The following MYH1 variants were observed in gnomAD, a reference collection of about 807,000 sequenced individuals.
MYH1 encodes the protein myosin-1.
In MYH1, 214 loss-of-function variants were observed where a neutral mutation model predicts 225.6. That is an observed-to-expected ratio of 0.95 (90% CI 0.85 to 1.06). MYH1 has a LOEUF of 1.06. MYH1 is among the 50% of genes least tolerant of loss of function. MYH1 has a pLI of 0.00. For synonymous variants in MYH1, 774 were observed against 842.3 expected, an observed-to-expected ratio of 0.92 and a Z score of 1.40; for missense variants, 2,098 against 2,344.2, an observed-to-expected ratio of 0.89 and a Z score of 2.17.
chr17:10,515,015 A>G, intron 5 of MYH1, 120 bp from the exon 6 acceptor site: 1 of 874,926 alleles, frequency 1.1e-6, no homozygotes, highest in South Asian at 1.5e-5. Context: ...TCAATATATT[A>G]TGGTAAAGTT....
chr17:10,508,705 A>C, intron 15 of MYH1, 33 bp from the exon 16 acceptor site: 1 of 1,605,120 alleles, frequency 6.2e-7, no homozygotes, highest in Non-Finnish European at 8.5e-7. Context: ...ATGCCACTTG[A>C]ATTCTGTCTG....
rs777786282 is a variant in MYH1 at position 10,501,233 on chromosome 17, G to A, written c.3615C>T (p.Ala1205=). The change falls in exon 27 of 40, where the codon GCC becomes GCT. Residue 1205 remains alanine (A), a synonymous_variant. Coordinates refer to ENST00000226207, the MANE Select transcript of MYH1 (RefSeq NM_005963.4). ...GGTTGTCAATCTGCTCCCCAAGCTC[G>A]GCCACACTATCTGCATGCTTCTTCC... The part of the protein sequence containing the change: ...TLRKKHADSV[A]ELGEQIDNLQ... 12 of 1,613,972 alleles carry A rather than the reference G, an allele frequency of 7.4e-6. No homozygotes were observed. Among genetic ancestry groups the A allele is most frequent in the Admixed American group, 3.3e-5 (2 of 60,000 alleles).
chr17:10,494,108 CT>C (rs1567713880), intron 39 of MYH1, among the ~76,000 whole-genome samples: 1 of 152,188 alleles, frequency 6.6e-6, no homozygotes, highest in Admixed American at 6.5e-5. Flanking sequence ...TGCTTTCCTC[CT>C]TTTTTTGTCT....
chr17:10,511,066 T>C (rs973523695), intron 14 of MYH1, among the ~76,000 whole-genome samples: 1 of 152,012 alleles, frequency 6.6e-6, no homozygotes, highest in African/African-American at 2.4e-5. Context: ...TATTCCTTTC[T>C]TTCCACGTTG....
chr17:10,500,646 G>T lies in MYH1; in HGVS notation c.3845C>A (p.Ala1282Glu), dbSNP rs746118240. The change falls in exon 28 of 40, where the codon GCG (alanine) becomes GAG (glutamate). Residue 1282 changes from alanine to glutamate, a missense_variant. Transcript: ENST00000226207. ...CCCACCTGATTCTGTTTGCAGGCGC[G>T]CTCTCTGTGCTGTGAGGTCATTGAT... ...RLINDLTAQR[A>E]RLQTESGEYS... 55 of 1,613,506 alleles carry T rather than the reference G, an allele frequency of 3.4e-5. No homozygotes were observed. The African/African-American group carries it at 6.8e-4, about 20-fold the overall frequency.
In MYH1 at chr17:10,500,807, G is replaced by C. The variant is rs1471535999; in HGVS notation, c.3739-55C>G. 1.9e-6 allele frequency: 3 copies of C among 1,610,032 alleles called. No homozygotes were observed. The East Asian group carries it at 6.7e-5, about 36-fold the overall frequency. On this transcript the variant is annotated intron_variant, in intron 27 of 39. Coordinates refer to ENST00000226207, the MANE Select transcript of MYH1 (RefSeq NM_005963.4). ...CAAGTAAGTAGTTGGACCAAAGAAAGTTTCAGTAATCTAAACATTCCATAT... is the reference window on the plus strand; with the variant it reads ...CAAGTAAGTAGTTGGACCAAAGAAACTTTCAGTAATCTAAACATTCCATAT...
Position 10,512,474 on chromosome 17 carries a change from G to A in MYH1, c.1081C>T (p.His361Tyr), listed in dbSNP as rs1288436285. The change falls in exon 12 of 40, where the codon CAT becomes TAT. Residue 361 changes from histidine to tyrosine, a missense_variant. His to Tyr is a moderately conservative substitution (Grantham distance 83, BLOSUM62 2). Transcript: ENST00000226207. ...SIYKLTGAVM[H>Y]YGNMKFKQKQ... ...TGCTTGAATTTCATGTTCCCATAAT[G>A]CATCACAGCCCCTGTGAGCTTATAG... 1.7e-5 allele frequency: 27 copies of A among 1,613,938 alleles called. No individual in the cohort carries two copies. Among genetic ancestry groups the A allele is most frequent in the Non-Finnish European group, 2.3e-5 (27 of 1,179,996 alleles).
Position 10,497,737 on chromosome 17 carries a change from A to G in MYH1, c.4362T>C (p.Asp1454=), listed in dbSNP as rs765754672. ...AALDKKQRNF[D]KILAEWKQKC... ...AAGCAAAAACTGGAGAGAATACCTTATCAAAGTTCCTTTGCTTTTTGTCCA... is the reference window on the plus strand; with the variant it reads ...AAGCAAAAACTGGAGAGAATACCTTGTCAAAGTTCCTTTGCTTTTTGTCCA... Residue 1454 remains aspartate (D), a synonymous_variant, in exon 31 of 40, where the codon GAT becomes GAC. Transcript: ENST00000226207. The G allele has an allele frequency of 4.3e-6, 7 of 1,613,620 alleles. No homozygotes were observed. The East Asian group carries it at 1.1e-4, about 26-fold the overall frequency.
chr17:10,496,645 A>G (rs1335286957), intron 33 of MYH1, 96 bp from the exon 34 acceptor site: 2 of 1,560,172 alleles, frequency 1.3e-6, no homozygotes, highest in Non-Finnish European at 1.7e-6. Context: ...CTTATTTATA[A>G]ATAGATTTCT....
chr17:10,495,654 C>A (rs1057339412), intron 35 of MYH1, among the ~76,000 whole-genome samples: 2 of 149,660 alleles, frequency 1.3e-5, no homozygotes, highest in African/African-American at 4.9e-5. Flanking sequence ...CCAGGTACTC[C>A]GGAGGCTGAG....
At chr17:10,494,819 G>T (rs1398871220) in intron 37 of MYH1, 112 bp downstream of exon 37, 9 of 1,597,172 alleles carry the variant, frequency 5.6e-6, no homozygotes, top group Non-Finnish European at 6.8e-6. Flanking sequence ...GGGCATGAGG[G>T]AATAGCTCTC....
rs1567716195 is a variant in MYH1 at position 10,498,721 on chromosome 17, C to T, written c.4086G>A (p.Gln1362=). ...EEEQEAKAEL[Q]RAMSKANSEV... ...CACTGTTGGCCTTGGACATTGCTCT[C>T]TGTAGCTCGGCCTTGGCTTCCTGCT... Residue 1362 remains glutamine, a synonymous_variant, in exon 30 of 40, where the codon CAG becomes CAA. Coordinates refer to ENST00000226207, the MANE Select transcript of MYH1 (RefSeq NM_005963.4). 1 of 1,614,108 alleles carries T rather than the reference C, an allele frequency of 6.2e-7. No homozygotes were observed. Among genetic ancestry groups the T allele is most frequent in the Non-Finnish European group, 8.5e-7 (1 of 1,179,950 alleles).
intron 17 of MYH1, among the ~76,000 whole-genome samples, chr17:10,506,588 G>A (rs2073114763): frequency 6.6e-6 from 1 of 151,866 alleles, no homozygotes; most frequent in Admixed American, 6.6e-5. Context: ...TGCCTCCCGG[G>A]TTCAAACAAT....
chr17:10,509,355 C>A lies in MYH1; in HGVS notation c.1587+130G>T, dbSNP rs1383602862. 8.3e-6 allele frequency: 12 copies of A among 1,449,226 alleles called. No homozygotes were observed. The Admixed American group carries it at 2.6e-4, about 31-fold the overall frequency. 89.8% of individuals were successfully genotyped at this position (1,449,226 alleles called of 1,614,324 possible). A position where few individuals can be genotyped will look rare whatever the true frequency, so the allele number is the denominator to read the frequency against. On this transcript the variant is annotated intron_variant, in intron 15 of 39. Transcript: ENST00000226207. ...ACCAGAATATCTACTTCAGAGTTGGCAAAATAAGGAATTCTCCTCATGTTT... is the reference window on the plus strand; with the variant it reads ...ACCAGAATATCTACTTCAGAGTTGGAAAAATAAGGAATTCTCCTCATGTTT...
Position 10,516,806 on chromosome 17 carries a change from T to G in MYH1, c.-40-124A>C. 7.7e-6 allele frequency: 6 copies of G among 778,612 alleles called. No homozygotes were observed. The South Asian group carries it at 1.1e-4, about 15-fold the overall frequency. The allele number at this position is 778,612 out of a possible 1,614,324, so 48.2% of individuals were successfully genotyped here. ...TAGCATTGCATTGGGTATGACCACC[T>G]CCCTGGCTTGGTTGAGGATAAAATG... On this transcript the variant is annotated intron_variant, in intron 2 of 39. Transcript: ENST00000226207.
rs1003915056 is a variant in MYH1 at position 10,513,993 on chromosome 17, C to G, written c.648+17G>C. On this transcript the variant is annotated intron_variant, in intron 7 of 39. Coordinates refer to ENST00000226207, the MANE Select transcript of MYH1 (RefSeq NM_005963.4). Reference sequence around the variant, plus strand: ...AGTCCCGACAGAGCCTGGATTCTGACTAACAATCAGACTCACCTGCATTTT... The same window carrying G: ...AGTCCCGACAGAGCCTGGATTCTGAGTAACAATCAGACTCACCTGCATTTT... 4.3e-6 allele frequency: 7 copies of G among 1,613,774 alleles called. No individual in the cohort carries two copies. Among genetic ancestry groups the G allele is most frequent in the Non-Finnish European group, 5.9e-6 (7 of 1,179,766 alleles).
At chr17:10,511,409 T>C (rs1249778029) in intron 14 of MYH1, among the ~76,000 whole-genome samples, 1 of 152,186 alleles carries the variant, frequency 6.6e-6, no homozygotes, top group African/African-American at 2.4e-5. Flanking sequence ...CTGCTATCTT[T>C]GATTCTATTG....
intron 33 of MYH1, 151 bp from the exon 34 acceptor site, chr17:10,496,700 G>A (rs1448173484): frequency 3.3e-6 from 4 of 1,230,208 alleles, no homozygotes; most frequent in Non-Finnish European, 4.5e-6. Flanking sequence ...TCATGCCTTT[G>A]CATTTTCTTG....
rs756464905 is a variant in MYH1 at position 10,516,296 on chromosome 17, T to C, written c.251A>G (p.Lys84Arg). Reference sequence around the variant, plus strand: ...GGCCATGTCCTCGATCTTGTCATATTTGGGAGGGTTCATGGGGAAGACTTG... The same window carrying C: ...GGCCATGTCCTCGATCTTGTCATATCTGGGAGGGTTCATGGGGAAGACTTG... Reference protein sequence around the residue: ...DDQVFPMNPPKYDKIEDMAMM... With the variant: ...DDQVFPMNPPRYDKIEDMAMM... The change falls in exon 4 of 40, where the codon AAA becomes AGA. Residue 84 changes from lysine to arginine, a missense_variant. Physicochemically the swap from Lys to Arg is conservative, Grantham distance 26. Transcript: ENST00000226207. The C allele has an allele frequency of 6.2e-7, 1 of 1,614,166 alleles. No homozygotes were observed. Among genetic ancestry groups the C allele is most frequent in the Non-Finnish European group, 8.5e-7 (1 of 1,180,030 alleles).
Sources: gnomAD v4.1 joint callset for allele counts (sites outside exome capture counted in the v4.1 genomes callset) on GRCh38, gnomAD v4.1.1 for gene constraint, MANE v1.5 for transcripts, NCBI Gene and HGNC (gene_info 2026-07-23, HGNC 2026-07-21) for gene names.